Variants in USP46 observed in about 807,000 individuals in gnomAD.
USP46 encodes ubiquitin specific peptidase 46.
Under a neutral mutation model 44.4 loss-of-function variants are expected in USP46, and 12 were observed. The ratio of observed to expected loss-of-function variants is 0.27; its 90% CI spans 0.17 to 0.44. The LOEUF is 0.44. Among genes scored for constraint, USP46 ranks in the 20% least tolerant of loss-of-function variants. The probability of loss-of-function intolerance (pLI) is 1.00; values close to 1 mark genes in which losing one functional copy is unlikely to be tolerated. For synonymous variants in USP46, 155 were observed against 161.5 expected, an observed-to-expected ratio of 0.96 and a Z score of 0.31; for missense variants, 248 against 444.8, an observed-to-expected ratio of 0.56 and a Z score of 3.98.
At chr4:52,654,536 T>C (rs531134009) in intron 1 of USP46, among the ~76,000 whole-genome samples, 1 of 152,362 alleles carries the variant, frequency 6.6e-6, no homozygotes, top group South Asian at 2.1e-4. Flanking sequence ...TTTATTTATA[T>C]GATACATTTT....
Position 52,631,250 on chromosome 4 carries a change from A to G in USP46, c.37-106T>C, listed in dbSNP as rs1053972296. On this transcript the variant is annotated intron_variant, in intron 1 of 8. Transcript: ENST00000441222. ...GAGACAAGCATCTTCCCTGGTCAACACGGTATTTGTTGATGTTTGCACTGA... is the reference window on the plus strand; with the variant it reads ...GAGACAAGCATCTTCCCTGGTCAACGCGGTATTTGTTGATGTTTGCACTGA... 6.0e-6 allele frequency: 5 copies of G among 827,700 alleles called. No individual in the cohort carries two copies. The African/African-American group carries it at 8.7e-5, about 14-fold the overall frequency. 51.3% of individuals were successfully genotyped at this position (827,700 alleles called of 1,614,324 possible).
intron 1 of USP46, chr4:52,656,706 G>T: frequency 1.9e-6 from 1 of 525,776 alleles, no homozygotes; most frequent in Non-Finnish European, 2.5e-6. Context: ...GAAAGTCTAA[G>T]ACCGGACAAC....
At chr4:52,603,114 AAAC>A (rs1716541535) in intron 6 of USP46, among the ~76,000 whole-genome samples, 1 of 152,250 alleles carries the variant, frequency 6.6e-6, no homozygotes, top group East Asian at 1.9e-4. Flanking sequence ...TAAGCAAGTA[AAAC>A]AACAGTAGAG....
chr4:52,633,382 T>TG (rs1226028083), intron 1 of USP46, among the ~76,000 whole-genome samples: 3 of 152,212 alleles, frequency 2.0e-5, no homozygotes, highest in Admixed American at 1.3e-4. Context: ...TTCATTAGTA[T>TG]GGGGGAGTTG....
At chr4:52,612,096 G>C (rs1462413399) in intron 4 of USP46, among the ~76,000 whole-genome samples, 1 of 152,146 alleles carries the variant, frequency 6.6e-6, no homozygotes, top group African/African-American at 2.4e-5. Context: ...CATGTGAAGT[G>C]CTTTAAAAAG....
chr4:52,654,233 A>G (rs1718874307), intron 1 of USP46, among the ~76,000 whole-genome samples: 1 of 152,236 alleles, frequency 6.6e-6, no homozygotes, highest in Admixed American at 6.5e-5. Flanking sequence ...CAACTATCAG[A>G]GTAGACCCTC....
At position 52,592,698 on chromosome 4, in the gene USP46, G is replaced by T. The variant is rs772472883; in HGVS notation, c.*4942C>A. 5.1e-6 allele frequency: 2 copies of T among 391,994 alleles called. No homozygotes were observed. Among genetic ancestry groups the T allele is most frequent in the Non-Finnish European group, 9.0e-6 (2 of 222,480 alleles). 24.3% of individuals were successfully genotyped at this position (391,994 alleles called of 1,614,324 possible). A position where few individuals can be genotyped will look rare whatever the true frequency, so the allele number is the denominator to read the frequency against. On this transcript the variant is annotated 3_prime_UTR_variant, in exon 9 of 9. Coordinates refer to ENST00000441222, the MANE Select transcript of USP46 (RefSeq NM_022832.4). ...TACTGAAAATACAAAAATTACCCGG[G>T]TATAGTGGCACATGCCTGTAGTCCC...
rs1316287178 is a variant in USP46 at position 52,632,976 on chromosome 4, GAA to G, written c.37-1834_37-1833del. ...AGAAAGAAAGAAAGAAAGAAAGAAAGAAAGAAAGAAAAGAAAAGAAAGAAAGA... is the reference window on the plus strand; with the variant it reads ...AGAAAGAAAGAAAGAAAGAAAGAAAGAGAAAGAAAAGAAAAGAAAGAAAGA... On this transcript the variant is annotated intron_variant, in intron 1 of 8. Transcript: ENST00000441222. Among the ~76,000 whole-genome samples the G allele has an allele frequency of 3.2e-3, 248 of 76,736 alleles. 6 individuals are homozygous for G. Among genetic ancestry groups the G allele is most frequent in the African/African-American group, 0.014 (221 of 15,340 alleles). 50.3% of individuals were successfully genotyped at this position (76,736 alleles called of 152,430 possible).
chr4:52,602,250 G>C (rs1278934600), intron 6 of USP46, among the ~76,000 whole-genome samples, 196 bp from the exon 7 acceptor site: 3 of 152,188 alleles, frequency 2.0e-5, no homozygotes, highest in African/African-American at 7.2e-5. Flanking sequence ...CTCCCAGCAG[G>C]AGAAATGTAC....
chr4:52,618,876 G>A (rs1355098459), intron 4 of USP46, among the ~76,000 whole-genome samples: 1 of 152,144 alleles, frequency 6.6e-6, no homozygotes, highest in Non-Finnish European at 1.5e-5. Flanking sequence ...AAGCAATGAG[G>A]AGCTGTAAAA....
At position 52,644,280 on chromosome 4, in the gene USP46, T is replaced by C. The variant is rs151032897; in HGVS notation, c.37-13136A>G. Among the ~76,000 whole-genome samples the C allele has an allele frequency of 1.2e-4, 18 of 152,258 alleles. No individual in the cohort carries two copies. The East Asian group carries it at 3.5e-3, about 29-fold the overall frequency. On this transcript the variant is annotated intron_variant, in intron 1 of 8. Transcript: ENST00000441222. ...TCTTAACACCATTATTCCACAACCCTGGCTCCTGTTTCAACAGCCCACTCC... is the reference window on the plus strand; with the variant it reads ...TCTTAACACCATTATTCCACAACCCCGGCTCCTGTTTCAACAGCCCACTCC...
At chr4:52,654,152 G>T (rs1718870290) in intron 1 of USP46, among the ~76,000 whole-genome samples, 1 of 152,158 alleles carries the variant, frequency 6.6e-6, no homozygotes, top group Non-Finnish European at 1.5e-5. Context: ...GACCAGTGGG[G>T]CCAGAAAAAC....
At chr4:52,628,317 A>T (rs1357900978) in intron 2 of USP46, 154 bp from the exon 3 acceptor site, 2 of 643,988 alleles carry the variant, frequency 3.1e-6, no homozygotes, top group Admixed American at 5.9e-5. Flanking sequence ...CTAGTTAACT[A>T]CTCTAAACAC....
Position 52,626,064 on chromosome 4 carries a change from A to G in USP46, c.515T>C (p.Phe172Ser), listed in dbSNP as rs202241742. ...KPELTWVHEI[F>S]QGTLTNETRC... ...AGTTTCATTGGTAAGCGTTCCCTGA[A>G]AAATCTCATGGACCCAGGTGAGTTC... The change falls in exon 4 of 9, where the codon TTT (phenylalanine) becomes TCT (serine). Residue 172 changes from phenylalanine (F) to serine (S), a missense_variant. By Grantham distance (155) the Phe-to-Ser change is radical (BLOSUM62 -2). Coordinates refer to ENST00000441222, the MANE Select transcript of USP46 (RefSeq NM_022832.4). 1 of 1,613,940 alleles carries G rather than the reference A, an allele frequency of 6.2e-7. No individual in the cohort carries two copies. The highest frequency in any genetic ancestry group is 1.1e-5 in the South Asian group (1 of 91,078).
At chr4:52,640,032 G>A (rs1270150320) in intron 1 of USP46, among the ~76,000 whole-genome samples, 1 of 151,360 alleles carries the variant, frequency 6.6e-6, no homozygotes, top group African/African-American at 2.4e-5. Flanking sequence ...GGGACAATCA[G>A]TAGTCATATC....
intron 5 of USP46, among the ~76,000 whole-genome samples, chr4:52,607,040 C>T (rs1335696107): frequency 2.6e-5 from 4 of 152,234 alleles, no homozygotes; most frequent in African/African-American, 9.6e-5. Context: ...ATGTCTACTG[C>T]AGAGAAGCTG....
chr4:52,627,147 T>A (rs1325046279), intron 3 of USP46, among the ~76,000 whole-genome samples: 3 of 152,230 alleles, frequency 2.0e-5, no homozygotes, highest in Non-Finnish European at 4.4e-5. Context: ...TCATTATTAA[T>A]CACGTTCACA....
intron 5 of USP46, among the ~76,000 whole-genome samples, chr4:52,605,864 C>T (rs903251818): frequency 2.0e-5 from 3 of 152,210 alleles, no homozygotes; most frequent in African/African-American, 7.2e-5. Flanking sequence ...AGGGTGATTG[C>T]AGGTGCTATT....
At position 52,609,901 on chromosome 4, in the gene USP46, T is replaced by C. The variant is rs886659149; in HGVS notation, c.638+640A>G. Reference sequence around the variant, plus strand: ...AACCTAAACCTCAATTCTATTTCTTTTTTTTTTTTTTTTTTTTTTTTTTTT... The same window carrying C: ...AACCTAAACCTCAATTCTATTTCTTCTTTTTTTTTTTTTTTTTTTTTTTTT... On this transcript the variant is annotated intron_variant, in intron 5 of 8. Coordinates refer to ENST00000441222, the MANE Select transcript of USP46 (RefSeq NM_022832.4). Among the ~76,000 whole-genome samples the C allele has an allele frequency of 2.6e-3, 91 of 35,320 alleles. 1 individual carries two copies. In the East Asian group the frequency reaches 0.035, roughly 14 times the overall value. 23.2% of individuals were successfully genotyped at this position (35,320 alleles called of 152,430 possible). A position where few individuals can be genotyped will look rare whatever the true frequency, so the allele number is the denominator to read the frequency against.
Sources: allele counts gnomAD v4.1 joint callset (sites outside exome capture counted in the v4.1 genomes callset), GRCh38; gene constraint gnomAD v4.1.1; transcripts MANE v1.5; gene names NCBI Gene and HGNC (gene_info 2026-07-23, HGNC 2026-07-21).